HDAC9: variants seen among roughly 807,000 people sequenced by gnomAD.
The protein encoded by HDAC9 is MEF-2 interacting transcription repressor (MITR) protein.
Under a neutral mutation model 139.4 loss-of-function variants are expected in HDAC9, and 41 were observed. The observed-to-expected ratio is 0.29, with a 90% CI of 0.23 to 0.38. The LOEUF (loss-of-function observed/expected upper bound fraction) is 0.38, where lower values mean the gene tolerates loss of function less well. Among genes scored for constraint, HDAC9 ranks in the 10% least tolerant of loss-of-function variants. HDAC9 has a pLI of 1.00. For synonymous variants in HDAC9, 517 were observed against 476.2 expected, an observed-to-expected ratio of 1.09 and a Z score of -1.12; for missense variants, 1,147 against 1,297.0, an observed-to-expected ratio of 0.88 and a Z score of 1.78.
At chr7:18,292,505 A>G (rs1797872460) in intron 1 of HDAC9, among the ~76,000 whole-genome samples, 1 of 152,144 alleles carries the variant, frequency 6.6e-6, no homozygotes, top group South Asian at 2.1e-4. Context: ...CAGAATGCCT[A>G]ATTACAAGCT....
In HDAC9 at chr7:18,606,209, A is replaced by T. The variant is rs529973501; in HGVS notation, c.664+12180A>T. Among the ~76,000 whole-genome samples, 267 of 152,338 alleles carry T rather than the reference A, an allele frequency of 1.8e-3. 3 individuals are homozygous for T. Among genetic ancestry groups the T allele is most frequent in the Admixed American group, 1.3e-3 (20 of 15,288 alleles). The stretch of plus-strand genomic sequence containing the variant: ...TTAATTCTCTGATAGATCTACGAAA[A>T]TAATTTTAATTTTTACTTTGTTCAG... On this transcript the variant is annotated intron_variant, in intron 6 of 25. Transcript: ENST00000686413.
chr7:18,961,781 G>C (rs951120948), intron 24 of HDAC9, among the ~76,000 whole-genome samples: 14 of 152,090 alleles, frequency 9.2e-5, no homozygotes, highest in Admixed American at 7.2e-4. Context: ...GGCACATCAA[G>C]GTTCATTGTA....
intron 12 of HDAC9, among the ~76,000 whole-genome samples, chr7:18,691,719 G>T (rs560628922): frequency 6.6e-6 from 1 of 152,124 alleles, no homozygotes; most frequent in South Asian, 2.1e-4. Flanking sequence ...CTTTAGAATG[G>T]ATAATGTTCT....
rs375575248 is a variant in HDAC9 at position 18,857,335 on chromosome 7, TTGTGTG to T, written c.2685-17119_2685-17114del. On this transcript the variant is annotated intron_variant, in intron 21 of 25. Coordinates refer to ENST00000686413, the MANE Select transcript of HDAC9 (RefSeq NM_178425.4). ...TATTGTTTCACAAAATATGTTTTAG[TTGTGTG>T]TGTGTGTGTGTGTGTGTGTGTGTAT... 3.1e-4 allele frequency among the ~76,000 whole-genome samples: 44 copies of T among 140,982 alleles called. 1 individual carries two copies. Among genetic ancestry groups the T allele is most frequent in the African/African-American group, 1.2e-3 (43 of 36,986 alleles). The allele number at this position is 140,982 out of a possible 152,430, so 92.5% of individuals were successfully genotyped here.
intron 14 of HDAC9, among the ~76,000 whole-genome samples, chr7:18,756,322 G>A (rs540259525): frequency 5.9e-5 from 9 of 152,188 alleles, no homozygotes; most frequent in East Asian, 3.9e-4. Context: ...CACAAGTGTC[G>A]TACATAATTT....
intron 2 of HDAC9, among the ~76,000 whole-genome samples, chr7:18,555,691 A>G (rs1818585951): frequency 6.6e-6 from 1 of 152,110 alleles, no homozygotes; most frequent in African/African-American, 2.4e-5. Context: ...TCTGTATTTT[A>G]TTATTTCCTA....
intron 11 of HDAC9, among the ~76,000 whole-genome samples, chr7:18,649,160 G>A (rs1292091494): frequency 1.3e-5 from 2 of 152,124 alleles, no homozygotes; most frequent in African/African-American, 4.8e-5. Context: ...ATAAGCGTTT[G>A]GAGTAGTTTC....
At chr7:18,452,072 A>G (rs1274399511) in intron 1 of HDAC9, among the ~76,000 whole-genome samples, 2 of 152,176 alleles carry the variant, frequency 1.3e-5, no homozygotes, top group East Asian at 1.9e-4. Flanking sequence ...CGGAGTCAGC[A>G]TTTGAACTTC....
intron 1 of HDAC9, among the ~76,000 whole-genome samples, chr7:18,104,691 T>C (rs1783088776): frequency 6.6e-6 from 1 of 152,098 alleles, no homozygotes; most frequent in African/African-American, 2.4e-5. Context: ...CTCCTCTGCC[T>C]CTGCTCTCTC....
intron 13 of HDAC9, among the ~76,000 whole-genome samples, chr7:18,742,952 C>T (rs566136162): frequency 6.6e-6 from 1 of 152,184 alleles, no homozygotes; most frequent in African/African-American, 2.4e-5. Context: ...TGTCTTTTGA[C>T]TTTTGAAGAG....
intron 12 of HDAC9, among the ~76,000 whole-genome samples, chr7:18,715,628 C>G (rs1018888060): frequency 9.9e-5 from 15 of 151,978 alleles, no homozygotes; most frequent in African/African-American, 3.4e-4. Flanking sequence ...GAATTGGGAT[C>G]CTACTTACTT....
At chr7:18,743,493 A>AGG (rs1787642066) in intron 13 of HDAC9, among the ~76,000 whole-genome samples, 1 of 152,124 alleles carries the variant, frequency 6.6e-6, no homozygotes, top group Non-Finnish European at 1.5e-5. Context: ...TTCACAAATA[A>AGG]TTTAAAAATT....
Position 18,121,544 on chromosome 7 carries a change from C to CAA in HDAC9, c.-97+34345_-97+34346dup, listed in dbSNP as rs5882646. On this transcript the variant is annotated intron_variant, in intron 1 of 12. Transcript: ENST00000417496. ...GTAAGGTGAGCACCATAAGAATATG[C>CAA]AAAAAAAAAAAAAAACCATTGAAAT... is the stretch of plus-strand genomic sequence containing the variant. Among the ~76,000 whole-genome samples, 891 of 108,766 alleles carry CAA rather than the reference C, an allele frequency of 8.2e-3. 5 individuals are homozygous for CAA. Among genetic ancestry groups the CAA allele is most frequent in the African/African-American group, 0.018 (532 of 29,672 alleles). 71.4% of individuals were successfully genotyped at this position (108,766 alleles called of 152,430 possible).
chr7:18,754,741 T>C (rs1788734717), intron 14 of HDAC9, among the ~76,000 whole-genome samples: 1 of 152,056 alleles, frequency 6.6e-6, no homozygotes, highest in South Asian at 2.1e-4. Context: ...GCAGTTCCAA[T>C]GAGAAAAGTG....
At chr7:18,457,820 A>G (rs1020228306) in intron 1 of HDAC9, among the ~76,000 whole-genome samples, 115 of 151,138 alleles carry the variant, frequency 7.6e-4, no homozygotes, top group African/African-American at 2.6e-3. Context: ...AAGACTTTCT[A>G]AATTGATTTT....
intron 21 of HDAC9, among the ~76,000 whole-genome samples, chr7:18,860,500 C>G (rs1376494239): frequency 6.6e-6 from 1 of 152,132 alleles, no homozygotes; most frequent in African/African-American, 2.4e-5. Context: ...TTATGTTATT[C>G]TTTAAATATA....
intron 1 of HDAC9, among the ~76,000 whole-genome samples, chr7:18,158,238 T>G (rs1369129981): frequency 6.6e-6 from 1 of 152,122 alleles, no homozygotes; most frequent in African/African-American, 2.4e-5. Flanking sequence ...CCAAAATGAT[T>G]ATTGTGATGT....
At chr7:18,899,967 A>G (rs1801547916) in intron 22 of HDAC9, among the ~76,000 whole-genome samples, 1 of 152,168 alleles carries the variant, frequency 6.6e-6, no homozygotes, top group African/African-American at 2.4e-5. Flanking sequence ...ATACACACAC[A>G]GAAAGATGAT....
intron 1 of HDAC9, among the ~76,000 whole-genome samples, chr7:18,095,159 C>T (rs1782426700): frequency 6.6e-6 from 1 of 152,066 alleles, no homozygotes; most frequent in East Asian, 1.9e-4. Flanking sequence ...AGCTGTGCTT[C>T]TCTGCCCTAC....
Sources: gnomAD v4.1 joint callset for allele counts (sites outside exome capture counted in the v4.1 genomes callset) on GRCh38, gnomAD v4.1.1 for gene constraint, MANE v1.5 for transcripts, NCBI Gene and HGNC (gene_info 2026-07-23, HGNC 2026-07-21) for gene names.